The following ATRX variants were observed in gnomAD, a reference collection of about 807,000 sequenced individuals.
The protein encoded by ATRX is chromatin remodeler ATRX.
Under a neutral mutation model 172.6 loss-of-function variants are expected in ATRX, and 12 were observed. That is an observed-to-expected ratio of 0.07 (90% CI 0.04 to 0.11). The LOEUF (loss-of-function observed/expected upper bound fraction) is 0.11, where lower values mean the gene tolerates loss of function less well. Among genes scored for constraint, ATRX ranks in the 10% least tolerant of loss-of-function variants. The pLI is 1.00. For missense variants in ATRX, 1,368 were observed against 1,767.4 expected (o/e 0.77, Z 4.05); for synonymous variants, 674 against 594.7 (o/e 1.13, Z -1.94).
intron 22 of ATRX, among the ~76,000 whole-genome samples, chrX:77,613,260 C>CT (rs1369359139): frequency 6.0e-4 from 62 of 102,929 alleles, no homozygotes; most frequent in Admixed American, 1.4e-3. Flanking sequence ...ACTTATTTTC[C>CT]TTTTTTTTTT....
intron 10 of ATRX, among the ~76,000 whole-genome samples, chrX:77,669,879 G>A (rs781847743): frequency 9.2e-6 from 1 of 108,904 alleles, no homozygotes; most frequent in African/African-American, 3.3e-5. Context: ...TTTCTTTTTA[G>A]TAGAGACAAG....
At chrX:77,510,707 C>A (rs782668859) in intron 34 of ATRX, among the ~76,000 whole-genome samples, 90 of 112,163 alleles carry the variant, frequency 8.0e-4, no homozygotes, top group African/African-American at 2.8e-3. Flanking sequence ...GACTCCTTTG[C>A]TTGTGAAAAG....
intron 1 of ATRX, among the ~76,000 whole-genome samples, chrX:77,743,326 G>A (rs191582160): frequency 9.0e-6 from 1 of 110,957 alleles, no homozygotes; most frequent in African/African-American, 3.3e-5. Context: ...TCTCAGCAGT[G>A]GCACTCATCC....
chrX:77,640,185 G>A (rs952733724), intron 15 of ATRX, among the ~76,000 whole-genome samples: 1 of 111,476 alleles, frequency 9.0e-6, no homozygotes, highest in Non-Finnish European at 1.9e-5. Flanking sequence ...GAGGGGGAGG[G>A]AAGGAAGAGG....
intron 30 of ATRX, among the ~76,000 whole-genome samples, chrX:77,553,592 T>C (rs782236362): frequency 7.2e-5 from 8 of 111,775 alleles, no homozygotes; most frequent in Admixed American, 6.7e-4. Flanking sequence ...TATCTCCTTA[T>C]ACTCTTATTT....
chrX:77,539,493 A>T (rs1220703276), intron 30 of ATRX, among the ~76,000 whole-genome samples: 1 of 110,770 alleles, frequency 9.0e-6, no homozygotes, highest in South Asian at 3.9e-4. Flanking sequence ...AAGAGGTAGA[A>T]TAAGTTCAAA....
rs782320725 is a variant in ATRX at position 77,517,351 on chromosome X, T to A, written c.7200+3437A>T. ...GATCAAAAAGTAGATATTAAAACTG[T>A]TACCAAAGAAATTCAAAGGATCATT... On this transcript the variant is annotated intron_variant, in intron 34 of 34. Coordinates refer to ENST00000373344, the MANE Select transcript of ATRX (RefSeq NM_000489.6). Among the ~76,000 whole-genome samples the A allele has an allele frequency of 6.3e-5, 7 of 111,331 alleles. No individual in the cohort carries two copies. In the South Asian group the frequency reaches 2.6e-3, roughly 42 times the overall value.
In ATRX at chrX:77,688,839, T is replaced by C. The variant is rs2148656314; in HGVS notation, c.573A>G (p.Ser191=). The C allele has an allele frequency of 8.3e-7, 1 of 1,206,874 alleles. No individual in the cohort carries two copies. Among genetic ancestry groups the C allele is most frequent in the Non-Finnish European group, 1.1e-6 (1 of 891,286 alleles). ...FQKDSIYRHP[S]LQVLICKNCF... ...ATACCTTACAAATAAGAACTTGCAA[T>C]GAAGGGTGTCTATAAATGGAATCTT... Residue 191 remains serine (S), a synonymous_variant, in exon 7 of 35, where the codon TCA becomes TCG. Coordinates refer to ENST00000373344, the MANE Select transcript of ATRX (RefSeq NM_000489.6).
chrX:77,675,561 T>C (rs1374505752), intron 10 of ATRX: 1 of 111,795 alleles, frequency 8.9e-6, no homozygotes, highest in Non-Finnish European at 1.9e-5. Flanking sequence ...TTCACTACAC[T>C]GATAGTGTCT....
intron 1 of ATRX, among the ~76,000 whole-genome samples, chrX:77,778,653 G>A (rs189904279): frequency 0.064 from 6,812 of 107,020 alleles, 227 homozygotes; most frequent in Non-Finnish European, 0.089. Context: ...CCCGGGAAGC[G>A]GAGGTTGCAG....
At chrX:77,662,285 C>T (rs1299681563) in intron 12 of ATRX, among the ~76,000 whole-genome samples, 1 of 111,660 alleles carries the variant, frequency 9.0e-6, no homozygotes, top group Non-Finnish European at 1.9e-5. Flanking sequence ...TTTGTATCCT[C>T]AATGCCCACC....
chrX:77,764,234 A>G (rs1170876920), intron 1 of ATRX, among the ~76,000 whole-genome samples: 9 of 112,471 alleles, frequency 8.0e-5, no homozygotes, highest in Admixed American at 6.7e-4. Flanking sequence ...ATCCTGGCTC[A>G]ACTTTAAATC....
chrX:77,601,062 A>C (rs782574669), intron 22 of ATRX, among the ~76,000 whole-genome samples: 1 of 111,260 alleles, frequency 9.0e-6, no homozygotes, highest in South Asian at 3.8e-4. Flanking sequence ...GGTACATATA[A>C]TCCCCTAAAT....
chrX:77,648,645 A>T (rs1317899886), intron 15 of ATRX, among the ~76,000 whole-genome samples: 4 of 107,106 alleles, frequency 3.7e-5, no homozygotes, highest in African/African-American at 1.4e-4. Context: ...TTTTTGAGAT[A>T]GTAAAATTGT....
chrX:77,510,510 T>A (rs1228489238), intron 34 of ATRX, among the ~76,000 whole-genome samples: 1 of 110,624 alleles, frequency 9.0e-6, no homozygotes, highest in Admixed American at 9.6e-5. Context: ...ATTCCAGGCC[T>A]TGGCTTTTGG....
intron 30 of ATRX, among the ~76,000 whole-genome samples, chrX:77,540,853 A>G (rs1049346353): frequency 8.9e-6 from 1 of 112,182 alleles, no homozygotes; most frequent in Non-Finnish European, 1.9e-5. Context: ...AAATGCCCAC[A>G]AGAGACAGCA....
chrX:77,594,939 A>G (rs1267958659), intron 25 of ATRX: 1 of 111,986 alleles, frequency 8.9e-6, no homozygotes, highest in Non-Finnish European at 1.9e-5. Flanking sequence ...ATTCCACTGC[A>G]TGAATACACT....
In ATRX at chrX:77,696,801, C is replaced by G. The variant is rs41307399; in HGVS notation, c.243-97G>C. The G allele has an allele frequency of 0.015, 13,767 of 898,653 alleles. 90 individuals carry two copies. The highest frequency in any genetic ancestry group is 0.018 in the Non-Finnish European group (11,388 of 630,211). The allele number at this position is 898,653 out of a possible 1,213,427, so 74.1% of individuals were successfully genotyped here. ...AACATGTTGAGATTGAGCAGTGGGT[C>G]TCAACAAGGAAGCACATCAGAATCA... is the stretch of plus-strand genomic sequence containing the variant. On this transcript the variant is annotated intron_variant, in intron 4 of 34. Transcript: ENST00000373344.
chrX:77,770,974 T>C (rs2076133557), intron 1 of ATRX, among the ~76,000 whole-genome samples: 1 of 112,524 alleles, frequency 8.9e-6, no homozygotes, highest in South Asian at 3.6e-4. Flanking sequence ...ACCATTTCAC[T>C]GTATCACTAT....
Sources: allele counts gnomAD v4.1 joint callset (sites outside exome capture counted in the v4.1 genomes callset), GRCh38; gene constraint gnomAD v4.1.1; transcripts MANE v1.5; gene names NCBI Gene and HGNC (gene_info 2026-07-23, HGNC 2026-07-21).